Variants in METAP1 observed in about 807,000 individuals in gnomAD.
The protein encoded by METAP1 is methionyl aminopeptidase 1, also known as methionine aminopeptidase 1.
A neutral mutation model predicts 53.8 loss-of-function variants in METAP1; 28 were observed. That is an observed-to-expected ratio of 0.52 (90% CI 0.39 to 0.71). The LOEUF is 0.71. Among genes scored for constraint, METAP1 ranks in the 30% least tolerant of loss-of-function variants. METAP1 has a pLI of 0.00. For synonymous variants in METAP1, 181 were observed against 165.7 expected (o/e 1.09, Z -0.71); for missense variants, 389 against 479.8 (o/e 0.81, Z 1.77).
At chr4:99,045,728 T>C (rs1267165400) in intron 8 of METAP1, among the ~76,000 whole-genome samples, 2 of 148,192 alleles carry the variant, frequency 1.3e-5, no homozygotes. Flanking sequence ...CTCTCTTCTC[T>C]CTAGAGATAT....
chr4:99,018,348 A>G (rs192265388), intron 1 of METAP1, among the ~76,000 whole-genome samples: 89 of 152,348 alleles, frequency 5.8e-4, no homozygotes, highest in African/African-American at 2.0e-3. Flanking sequence ...TACTTTTTCT[A>G]TATCTTCTCC....
intron 1 of METAP1, among the ~76,000 whole-genome samples, chr4:99,003,287 G>C (rs1228795776): frequency 6.6e-6 from 1 of 152,210 alleles, no homozygotes; most frequent in Non-Finnish European, 1.5e-5. Flanking sequence ...TGTGTTTAAT[G>C]ATTCTTCTGT....
chr4:99,044,316 C>G (rs1726075162), intron 7 of METAP1, among the ~76,000 whole-genome samples: 3 of 152,054 alleles, frequency 2.0e-5, no homozygotes, highest in Non-Finnish European at 4.4e-5. Context: ...AGCATGAGCC[C>G]AAGTGTTAGA....
chr4:99,061,304 T>C lies in METAP1; in HGVS notation c.1148T>C (p.Met383Thr). 5 of 1,612,958 alleles carry C rather than the reference T, an allele frequency of 3.1e-6. No individual in the cohort carries two copies. The highest frequency in any genetic ancestry group is 4.2e-6 in the Non-Finnish European group (5 of 1,179,360). Residue 383 changes from methionine to threonine, a missense_variant, in exon 11 of 11, where the codon ATG (methionine) becomes ACG (threonine). Coordinates refer to ENST00000296411, the MANE Select transcript of METAP1 (RefSeq NM_015143.3). ...CTTGACAGTGCACGGCCTCACTTCA[T>C]GTCTCAATTTTAATTTCTCCCAAGA... is the stretch of plus-strand genomic sequence containing the variant. Reference protein sequence around the residue: ...RRLDSARPHFMSQF With the variant: ...RRLDSARPHFTSQF
intron 9 of METAP1, among the ~76,000 whole-genome samples, chr4:99,055,087 ATT>A (rs147422707): frequency 9.9e-5 from 15 of 150,774 alleles, no homozygotes; most frequent in South Asian, 4.2e-4. Context: ...TCTTCAATTT[ATT>A]TTTAAAAAAA....
chr4:99,000,704 CTCTT>C (rs1389450367), intron 1 of METAP1, among the ~76,000 whole-genome samples: 1 of 124,268 alleles, frequency 8.0e-6, no homozygotes, highest in Non-Finnish European at 1.7e-5. Context: ...TTCTCTCTCT[CTCTT>C]TTTTTTTTTT....
Position 99,061,172 on chromosome 4 carries a change from C to T in METAP1, c.1016C>T (p.Thr339Ile), listed in dbSNP as rs1396827968. 6.2e-7 allele frequency: 1 copy of T among 1,612,974 alleles called. No individual in the cohort carries two copies. ...MICEGGWQDE[T>I]WPDGWTAVTR... ...GTTGAAGGCGGATGGCAGGATGAAA[C>T]CTGGCCAGATGGTTGGACTGCGGTG... The change falls in exon 11 of 11, where the codon ACC (threonine) becomes ATC (isoleucine). Residue 339 changes from threonine to isoleucine, a missense_variant. Coordinates refer to ENST00000296411, the MANE Select transcript of METAP1 (RefSeq NM_015143.3).
At chr4:99,007,191 A>C (rs2110281600) in intron 1 of METAP1, among the ~76,000 whole-genome samples, 1 of 152,148 alleles carries the variant, frequency 6.6e-6, no homozygotes, top group East Asian at 1.9e-4. Flanking sequence ...TCCTGGGCTC[A>C]AGTGATCTGC....
intron 1 of METAP1, among the ~76,000 whole-genome samples, chr4:99,007,096 C>T (rs1209147371): frequency 2.6e-5 from 4 of 151,922 alleles, no homozygotes; most frequent in Non-Finnish European, 5.9e-5. Flanking sequence ...TAGCTGGGAC[C>T]ATAGGCATGC....
intron 4 of METAP1, among the ~76,000 whole-genome samples, chr4:99,037,475 T>C (rs1347613395): frequency 6.6e-6 from 1 of 151,984 alleles, no homozygotes; most frequent in African/African-American, 2.4e-5. Flanking sequence ...TATCTGAAAC[T>C]TACTTGGCAT....
At chr4:99,031,433 A>G in intron 2 of METAP1, 1 of 1,273,056 alleles carries the variant, frequency 7.9e-7, no homozygotes. Flanking sequence ...GCATTTAATA[A>G]AAGAACTCTA....
intron 1 of METAP1, among the ~76,000 whole-genome samples, chr4:99,010,490 C>G (rs1283983151): frequency 6.6e-6 from 1 of 152,110 alleles, no homozygotes. Context: ...ACACACATGA[C>G]CAAATACACA....
chr4:98,995,898 C>A, intron 1 of METAP1, 31 bp downstream of exon 1: 1 of 1,495,152 alleles, frequency 6.7e-7, no homozygotes, highest in Non-Finnish European at 9.1e-7. Flanking sequence ...GGATATGCCG[C>A]CGCTGCGGGA....
chr4:99,019,514 G>A (rs536687435), intron 1 of METAP1, among the ~76,000 whole-genome samples: 8 of 152,168 alleles, frequency 5.3e-5, no homozygotes, highest in Admixed American at 2.0e-4. Flanking sequence ...CTCTTCATCT[G>A]CTCTACATCT....
At chr4:98,998,308 A>G (rs1340752274) in intron 1 of METAP1, among the ~76,000 whole-genome samples, 3 of 152,218 alleles carry the variant, frequency 2.0e-5, no homozygotes, top group East Asian at 1.9e-4. Context: ...GGATCACCTG[A>G]GGTCAGGAGT....
intron 1 of METAP1, among the ~76,000 whole-genome samples, chr4:99,020,621 C>T (rs887539219): frequency 6.6e-6 from 1 of 152,144 alleles, no homozygotes; most frequent in Non-Finnish European, 1.5e-5. Context: ...TACCCTCCTC[C>T]ATCCCTTGCT....
At chr4:99,029,531 C>T (rs11731878) in intron 2 of METAP1, among the ~76,000 whole-genome samples, 72,131 of 151,956 alleles carry the variant, frequency 0.47, 18,535 homozygotes, top group South Asian at 0.67. Context: ...ATGTCATTAG[C>T]GTGGCTGGTT....
chr4:99,003,030 C>G (rs1722993881), intron 1 of METAP1, among the ~76,000 whole-genome samples: 1 of 152,118 alleles, frequency 6.6e-6, no homozygotes, highest in Non-Finnish European at 1.5e-5. Flanking sequence ...GATTGCGCCA[C>G]TGCACTCCAG....
chr4:99,011,030 A>G (rs771146583), intron 1 of METAP1, among the ~76,000 whole-genome samples: 3 of 130,434 alleles, frequency 2.3e-5, no homozygotes, highest in East Asian at 2.4e-4. Context: ...ACTTTAGTTT[A>G]TTAGCTCTAA....
Sources: gnomAD v4.1 joint callset for allele counts (sites outside exome capture counted in the v4.1 genomes callset) on GRCh38, gnomAD v4.1.1 for gene constraint, MANE v1.5 for transcripts, NCBI Gene and HGNC (gene_info 2026-07-23, HGNC 2026-07-21) for gene names.